The following PIGN variants were observed in gnomAD, a reference collection of about 807,000 sequenced individuals.
The protein encoded by PIGN is GPI ethanolamine phosphate transferase 1.
Under a neutral mutation model 125.4 loss-of-function variants are expected in PIGN, and 117 were observed. The ratio of observed to expected loss-of-function variants is 0.93; its 90% CI spans 0.80 to 1.09. The LOEUF (loss-of-function observed/expected upper bound fraction) is 1.09, where lower values mean the gene tolerates loss of function less well. Among genes scored for constraint, PIGN ranks in the 50% least tolerant of loss-of-function variants. PIGN has a pLI of 0.00. For missense variants in PIGN, 1,075 were observed against 1,094.9 expected (o/e 0.98, Z 0.26); for synonymous variants, 392 against 377.8 (o/e 1.04, Z -0.44).
chr18:62,035,832 G>A (rs2030254741), intron 23 of PIGN, among the ~76,000 whole-genome samples: 3 of 152,062 alleles, frequency 2.0e-5, no homozygotes. Flanking sequence ...AAGTATGTCA[G>A]GAACATAATC....
intron 28 of PIGN, chr18:62,075,298 C>T (rs781036121): frequency 2.0e-5 from 3 of 152,906 alleles, no homozygotes; most frequent in African/African-American, 4.8e-5. Context: ...CATCTGTCCT[C>T]CCCTCACCAT....
At chr18:62,072,994 A>T (rs554445574) in intron 29 of PIGN, among the ~76,000 whole-genome samples, 16 of 152,114 alleles carry the variant, frequency 1.1e-4, no homozygotes, top group East Asian at 7.7e-4. Context: ...CAACATCAAT[A>T]AAAAAAACTA....
At chr18:62,186,661 G>T (rs1464295639) in intron 1 of PIGN, among the ~76,000 whole-genome samples, 183 bp downstream of exon 1, 2 of 152,182 alleles carry the variant, frequency 1.3e-5, no homozygotes, top group African/African-American at 4.8e-5. Flanking sequence ...GCAGAGAAGG[G>T]AAAAGAAAGG....
chr18:62,106,437 A>G (rs921890866), intron 19 of PIGN, among the ~76,000 whole-genome samples: 11 of 151,736 alleles, frequency 7.2e-5, no homozygotes, highest in Non-Finnish European at 1.6e-4. Flanking sequence ...TGTGACTCAC[A>G]GAGTGCAGAC....
chr18:62,084,634 T>G (rs1388692226), intron 26 of PIGN, 28 bp from the exon 27 acceptor site: 1 of 1,337,620 alleles, frequency 7.5e-7, no homozygotes, highest in East Asian at 2.5e-5. Flanking sequence ...GGAAAAAGAA[T>G]TTAGAATTCA....
rs376538580 is a variant in PIGN at position 62,138,196 on chromosome 18, T to C, written c.1172+47A>G. The C allele has an allele frequency of 1.3e-3, 2,072 of 1,537,140 alleles. 1 individual carries two copies. Among genetic ancestry groups the C allele is most frequent in the Middle Eastern group, 1.7e-3 (10 of 5,956 alleles). ...ACTCAGTGAAAAATTGCAAACTCAG[T>C]GGAAAATTCTTTCCTTCAAGTTAAT... is the stretch of plus-strand genomic sequence containing the variant. On this transcript the variant is annotated intron_variant, in intron 14 of 30. Coordinates refer to ENST00000640252, the MANE Select transcript of PIGN (RefSeq NM_176787.5).
chr18:62,073,206 A>AG (rs1006104283), intron 29 of PIGN, among the ~76,000 whole-genome samples: 1 of 112,800 alleles, frequency 8.9e-6, no homozygotes, highest in African/African-American at 3.4e-5. Flanking sequence ...TGTGTGTGTA[A>AG]GGGGGGGATG....
chr18:62,126,890 G>A (rs545972721), intron 14 of PIGN, among the ~76,000 whole-genome samples: 1 of 152,232 alleles, frequency 6.6e-6, no homozygotes, highest in African/African-American at 2.4e-5. Context: ...CATAATATAT[G>A]TCCAACATCC....
intron 1 of PIGN, among the ~76,000 whole-genome samples, chr18:62,166,083 C>A (rs888768184): frequency 3.3e-5 from 5 of 152,190 alleles, no homozygotes; most frequent in Non-Finnish European, 5.9e-5. Flanking sequence ...ATGAATGATG[C>A]AGCAGAAAGC....
intron 21 of PIGN, among the ~76,000 whole-genome samples, chr18:62,102,094 G>A (rs1194097312): frequency 2.6e-5 from 4 of 151,634 alleles, no homozygotes; most frequent in African/African-American, 9.7e-5. Flanking sequence ...AGGCGTAGTG[G>A]CTCTCGCCTG....
At chr18:62,159,850 C>A (rs2036878488) in intron 4 of PIGN, among the ~76,000 whole-genome samples, 1 of 152,232 alleles carries the variant, frequency 6.6e-6, no homozygotes, top group East Asian at 1.9e-4. Context: ...CACGGTGGCT[C>A]ACGCCTGTAA....
intron 1 of PIGN, among the ~76,000 whole-genome samples, chr18:62,166,658 G>A (rs1028733772): frequency 3.9e-5 from 6 of 152,124 alleles, no homozygotes; most frequent in Admixed American, 1.3e-4. Flanking sequence ...CAACCCAAAT[G>A]CCCATTAATG....
At chr18:62,028,206 T>TTATATACCTGAGCCTC (rs1217028806) in intron 23 of PIGN, among the ~76,000 whole-genome samples, 1 of 152,162 alleles carries the variant, frequency 6.6e-6, no homozygotes, top group Non-Finnish European at 1.5e-5. Flanking sequence ...CTTCACGCCT[T>TTATATACCTGAGCCTC]TATATACCTG....
chr18:62,066,746 G>C lies in PIGN; in HGVS notation c.2672+5927C>G, dbSNP rs542383257. On this transcript the variant is annotated intron_variant, in intron 30 of 30. Coordinates refer to ENST00000640252, the MANE Select transcript of PIGN (RefSeq NM_176787.5). Reference sequence around the variant, plus strand: ...TGCCTCTACTCTGCTCTGGGAATGAGTTAACTCCATTTGGGCCCCACATAA... The same window carrying C: ...TGCCTCTACTCTGCTCTGGGAATGACTTAACTCCATTTGGGCCCCACATAA... Among the ~76,000 whole-genome samples, 7 of 152,284 alleles carry C rather than the reference G, an allele frequency of 4.6e-5. No homozygotes were observed. The South Asian group carries it at 1.2e-3, about 27-fold the overall frequency.
rs2037028365 is a variant in PIGN, at chr18:62,163,534, C to T, written c.-113G>A. The T allele has an allele frequency of 6.6e-6, 1 of 152,116 alleles. No homozygotes were observed. The highest frequency in any genetic ancestry group is 2.1e-4 in the South Asian group (1 of 4,826). 9.4% of individuals were successfully genotyped at this position (152,116 alleles called of 1,614,324 possible). A position where few individuals can be genotyped will look rare whatever the true frequency, so the allele number is the denominator to read the frequency against. On this transcript the variant is annotated 5_prime_UTR_variant, in exon 2 of 31. Transcript: ENST00000640252. ...AAGTATCTATATCTAAATTTACCTT[C>T]CAGGTTTATCATCATCTGTTCAAAA...
At chr18:62,030,508 G>A (rs2030181712) in intron 23 of PIGN, among the ~76,000 whole-genome samples, 2 of 152,160 alleles carry the variant, frequency 1.3e-5, no homozygotes, top group African/African-American at 4.8e-5. Context: ...AAAGGGAAAA[G>A]GAAAGTCACA....
intron 25 of PIGN, 127 bp downstream of exon 25, chr18:62,088,629 C>A: frequency 1.6e-6 from 1 of 607,128 alleles, no homozygotes; most frequent in African/African-American, 1.9e-5. Flanking sequence ...CATGAGAAAA[C>A]TATAGTTCAG....
chr18:62,146,023 A>T lies in PIGN; in HGVS notation c.808T>A (p.Ser270Thr), dbSNP rs587777186. The T allele has an allele frequency of 4.8e-6, 7 of 1,449,512 alleles. No homozygotes were observed. Among genetic ancestry groups the T allele is most frequent in the Non-Finnish European group, 5.7e-6 (6 of 1,049,906 alleles). The allele number at this position is 1,449,512 out of a possible 1,614,324, so 89.8% of individuals were successfully genotyped here. A position where few individuals can be genotyped will look rare whatever the true frequency, so the allele number is the denominator to read the frequency against. Reference protein sequence around the residue: ...TSDHGMTDWGSHGAGHPSETL... With the variant: ...TSDHGMTDWGTHGAGHPSETL... ...TCTGAAGGATGACCAGCCCCATGGG[A>T]ACCTACAAATAAGATATAAAGAATA... The change falls in exon 10 of 31, where the codon TCC becomes ACC. Residue 270 changes from serine to threonine, a missense_variant and splice_region_variant. This residue lies in a region of PIGN where 915 missense variants were observed against 908.7 expected (regional missense o/e 1.01). Transcript: ENST00000640252.
chr18:62,147,196 G>A, intron 8 of PIGN, 95 bp from the exon 9 acceptor site: 2 of 1,366,724 alleles, frequency 1.5e-6, no homozygotes, highest in Non-Finnish European at 2.0e-6. Flanking sequence ...AGTAACTTCT[G>A]AAATGCTTTT....
Sources: allele counts gnomAD v4.1 joint callset (sites outside exome capture counted in the v4.1 genomes callset), GRCh38; gene constraint gnomAD v4.1.1; regional missense constraint gnomAD v4.1.1; transcripts MANE v1.5; gene names NCBI Gene and HGNC (gene_info 2026-07-23, HGNC 2026-07-21).